The following SIN3A variants were observed in gnomAD, a reference collection of about 807,000 sequenced individuals.
SIN3A encodes the protein paired amphipathic helix protein Sin3a.
A neutral mutation model predicts 146.1 loss-of-function variants in SIN3A; 14 were observed. The ratio of observed to expected loss-of-function variants is 0.10; its 90% CI spans 0.06 to 0.15. The LOEUF (loss-of-function observed/expected upper bound fraction) is 0.15. Ranked by LOEUF, SIN3A falls within the 10% of genes least tolerant of loss-of-function variation. The probability of loss-of-function intolerance (pLI) is 1.00; values close to 1 mark genes in which losing one functional copy is unlikely to be tolerated. For missense variants in SIN3A, 1,028 were observed against 1,576.0 expected (o/e 0.65, Z 5.89); for synonymous variants, 572 against 572.0 (o/e 1.00, Z 0.00).
intron 20 of SIN3A, among the ~76,000 whole-genome samples, chr15:75,375,195 G>T (rs1262089331): frequency 3.3e-5 from 5 of 152,150 alleles, no homozygotes; most frequent in African/African-American, 4.8e-5. Context: ...GGCTGTGTCA[G>T]GTGAGACTCT....
chr15:75,453,103 C>G (rs973407234), upstream of SIN3A: 2 of 152,244 alleles, frequency 1.3e-5, no homozygotes, highest in Admixed American at 6.5e-5. Context: ...AAGTAGAACC[C>G]TCCTCCCAGA....
chr15:75,413,892 T>C (rs2073688999), intron 4 of SIN3A, among the ~76,000 whole-genome samples: 1 of 152,168 alleles, frequency 6.6e-6, no homozygotes, highest in African/African-American at 2.4e-5. Context: ...CTTACAACAG[T>C]GAACCATGCC....
chr15:75,376,874 A>C (rs903818218), intron 19 of SIN3A, among the ~76,000 whole-genome samples: 5 of 151,424 alleles, frequency 3.3e-5, no homozygotes, highest in African/African-American at 1.2e-4. Context: ...AAAAAAAAAA[A>C]AAAAAAAAAC....
chr15:75,423,290 G>C (rs1375024842), intron 2 of SIN3A, among the ~76,000 whole-genome samples: 3 of 151,760 alleles, frequency 2.0e-5, no homozygotes, highest in Non-Finnish European at 4.4e-5. Flanking sequence ...AAAAAAGAAA[G>C]AAAAGAAAAA....
intron 1 of SIN3A, among the ~76,000 whole-genome samples, chr15:75,440,237 GTTT>G (rs556673520): frequency 2.1e-5 from 3 of 144,078 alleles, no homozygotes; most frequent in African/African-American, 7.6e-5. Context: ...TAGCAAATTT[GTTT>G]TTTTTTTTGA....
intron 20 of SIN3A, 101 bp downstream of exon 20, chr15:75,375,564 G>A: frequency 1.1e-6 from 1 of 892,668 alleles, no homozygotes; most frequent in Non-Finnish European, 1.8e-6. Context: ...TCCAAGAACA[G>A]GTTTGCATAA....
intron 1 of SIN3A, among the ~76,000 whole-genome samples, chr15:75,431,996 T>C (rs2074021121): frequency 6.6e-6 from 1 of 152,230 alleles, no homozygotes; most frequent in Non-Finnish European, 1.5e-5. Flanking sequence ...CTCTCAGCTT[T>C]GTGTGTGATA....
intron 1 of SIN3A, among the ~76,000 whole-genome samples, chr15:75,435,835 A>AAAAAT (rs1325392874): frequency 6.6e-6 from 1 of 152,204 alleles, no homozygotes; most frequent in Non-Finnish European, 1.5e-5. Context: ...GCATTGAAAG[A>AAAAAT]AAAATGTGCC....
intron 3 of SIN3A, among the ~76,000 whole-genome samples, chr15:75,418,708 G>A (rs1438705480): frequency 1.3e-5 from 2 of 152,030 alleles, no homozygotes; most frequent in African/African-American, 4.8e-5. Flanking sequence ...ACAGTCTCAG[G>A]TATTTTGTTA....
chr15:75,371,828 C>A lies in SIN3A; in HGVS notation c.*151G>T, dbSNP rs1429164086. On this transcript the variant is annotated 3_prime_UTR_variant, in exon 21 of 21. Transcript: ENST00000394947. ...AACAGGTAGCCCACTTGGTGCCAGGCTGCACCAGCCACACACAGGTCAGGT... is the reference window on the plus strand; with the variant it reads ...AACAGGTAGCCCACTTGGTGCCAGGATGCACCAGCCACACACAGGTCAGGT... 1.4e-5 allele frequency: 9 copies of A among 658,512 alleles called. No individual in the cohort carries two copies. Among genetic ancestry groups the A allele is most frequent in the Non-Finnish European group, 2.1e-5 (8 of 378,514 alleles). The allele number at this position is 658,512 out of a possible 1,614,324, so 40.8% of individuals were successfully genotyped here. A position where few individuals can be genotyped will look rare whatever the true frequency, so the allele number is the denominator to read the frequency against.
intron 19 of SIN3A, among the ~76,000 whole-genome samples, chr15:75,378,119 A>G (rs1392236117): frequency 1.3e-5 from 2 of 152,358 alleles, no homozygotes; most frequent in Non-Finnish European, 2.9e-5. Context: ...GTAGGTGTGT[A>G]TAACTTATTT....
chr15:75,449,140 A>AATGG (rs2074357768), intron 1 of SIN3A, among the ~76,000 whole-genome samples: 1 of 152,232 alleles, frequency 6.6e-6, no homozygotes, highest in African/African-American at 2.4e-5. Context: ...CTCAATGGTC[A>AATGG]ATCGTTCTCC....
chr15:75,402,288 G>C (rs2073426260), intron 9 of SIN3A, among the ~76,000 whole-genome samples: 1 of 152,152 alleles, frequency 6.6e-6, no homozygotes, highest in Non-Finnish European at 1.5e-5. Context: ...AAGGTGGGTG[G>C]ATCACTGGAG....
intron 8 of SIN3A, among the ~76,000 whole-genome samples, chr15:75,407,988 G>A (rs1012723843): frequency 6.7e-6 from 1 of 148,352 alleles, no homozygotes; most frequent in Non-Finnish European, 1.5e-5. Context: ...AACAGGCCAT[G>A]ATATAATCCT....
In SIN3A at chr15:75,400,879, G is replaced by C. The variant is rs1298203461; in HGVS notation, c.1588C>G (p.Leu530Val). ...NFLGYKESVH[L>V]ETYPKERATE... is the part of the protein sequence containing the mutation. The stretch of plus-strand genomic sequence containing the variant: ...GCTCGCTCCTTTGGATAAGTTTCCA[G>C]ATGTACAGACTCCTTATAGCCCAGA... Residue 530 changes from leucine to valine, a missense_variant, in exon 11 of 21, where the codon CTG becomes GTG. Coordinates refer to ENST00000394947, the MANE Select transcript of SIN3A (RefSeq NM_001145358.2). 3.1e-6 allele frequency: 5 copies of C among 1,614,162 alleles called. No individual in the cohort carries two copies. The highest frequency in any genetic ancestry group is 4.2e-6 in the Non-Finnish European group (5 of 1,180,018).
intron 1 of SIN3A, among the ~76,000 whole-genome samples, chr15:75,437,664 C>A (rs141518929): frequency 6.6e-6 from 1 of 152,136 alleles, no homozygotes; most frequent in African/African-American, 2.4e-5. Context: ...GAAAGCCAAA[C>A]GATGGAACCA....
chr15:75,384,817 T>C (rs2073049075), intron 16 of SIN3A, among the ~76,000 whole-genome samples: 1 of 152,204 alleles, frequency 6.6e-6, no homozygotes, highest in African/African-American at 2.4e-5. Flanking sequence ...TCTTTCTCAT[T>C]TGATCTTCAC....
rs76503418 is a variant in SIN3A at position 75,441,095 on chromosome 15, G to T, written c.-34+10328C>A. Among the ~76,000 whole-genome samples, 27 of 152,048 alleles carry T rather than the reference G, an allele frequency of 1.8e-4. No homozygotes were observed. The East Asian group carries it at 5.0e-3, about 28-fold the overall frequency. The stretch of plus-strand genomic sequence containing the variant: ...GGCCAAGTCGGGTAGATCACGTGAG[G>T]TGAGGAGCTCAAGACCAGCCTAGCC... On this transcript the variant is annotated intron_variant, in intron 1 of 20. Coordinates refer to ENST00000394947, the MANE Select transcript of SIN3A (RefSeq NM_001145358.2).
Position 75,401,261 on chromosome 15 carries a change from C to T in SIN3A, c.1527-321G>A, listed in dbSNP as rs545306245. 6.6e-5 allele frequency among the ~76,000 whole-genome samples: 10 copies of T among 152,282 alleles called. No homozygotes were observed. The East Asian group carries it at 1.9e-3, about 29-fold the overall frequency. On this transcript the variant is annotated intron_variant, in intron 10 of 20. Transcript: ENST00000394947. ...AAAGATTCCAGACTCGGTGTAGTGGCTCATGCCTGTAATCCCAGCACTTTG... is the reference window on the plus strand; with the variant it reads ...AAAGATTCCAGACTCGGTGTAGTGGTTCATGCCTGTAATCCCAGCACTTTG...
Sources: allele counts gnomAD v4.1 joint callset (sites outside exome capture counted in the v4.1 genomes callset), GRCh38; gene constraint gnomAD v4.1.1; transcripts MANE v1.5; gene names NCBI Gene and HGNC (gene_info 2026-07-23, HGNC 2026-07-21).